Variants in GBE1 observed in about 807,000 individuals in gnomAD.
The protein encoded by GBE1 is 1,4-alpha-glucan branching enzyme 1.
In GBE1, 70 loss-of-function variants were observed where a neutral mutation model predicts 88.8. That is an observed-to-expected ratio of 0.79 (90% CI 0.65 to 0.96). GBE1 has a LOEUF of 0.96. Ranked by LOEUF, GBE1 falls within the 40% of genes least tolerant of loss-of-function variation. The pLI, the probability that GBE1 is intolerant of heterozygous loss-of-function variation, is 0.00. For synonymous variants in GBE1, 284 were observed against 300.1 expected, an observed-to-expected ratio of 0.95 and a Z score of 0.56; for missense variants, 872 against 871.0, an observed-to-expected ratio of 1.00 and a Z score of -0.01.
chr3:81,700,953 T>C (rs556554899), intron 2 of GBE1, among the ~76,000 whole-genome samples: 2 of 152,186 alleles, frequency 1.3e-5, no homozygotes, highest in African/African-American at 2.4e-5. Context: ...TATTGACATA[T>C]GTAGTTTACT....
chr3:81,562,661 C>T (rs937966117), intron 12 of GBE1, among the ~76,000 whole-genome samples: 1 of 151,972 alleles, frequency 6.6e-6, no homozygotes, highest in Non-Finnish European at 1.5e-5. Context: ...GCCATTTTTA[C>T]AGTAGTAGGG....
At chr3:81,582,917 C>T (rs1018283639) in intron 10 of GBE1, among the ~76,000 whole-genome samples, 6 of 151,688 alleles carry the variant, frequency 4.0e-5, no homozygotes, top group Non-Finnish European at 8.8e-5. Flanking sequence ...CTGTGAAAAG[C>T]CAATGTGAAG....
At chr3:81,499,353 A>C in intron 14 of GBE1, 126 bp from the exon 15 acceptor site, 1 of 694,548 alleles carries the variant, frequency 1.4e-6, no homozygotes, top group Non-Finnish European at 2.7e-6. Context: ...CTAAGAACTC[A>C]TTTCTTCTTT....
rs116331761 is a variant in GBE1, at chr3:81,669,893, T to C, written c.429+945A>G. ...CATACACTTATAATTTCATTATTTA[T>C]AAAATATTTTTAACAACCTACAAAA... On this transcript the variant is annotated intron_variant, in intron 3 of 15. Coordinates refer to ENST00000429644, the MANE Select transcript of GBE1 (RefSeq NM_000158.4). Among the ~76,000 whole-genome samples, 1,235 of 152,248 alleles carry C rather than the reference T, an allele frequency of 8.1e-3. 13 individuals carry two copies. The highest frequency in any genetic ancestry group is 0.028 in the African/African-American group (1,180 of 41,546).
intron 7 of GBE1, among the ~76,000 whole-genome samples, chr3:81,626,922 A>G (rs570510405): frequency 6.6e-6 from 1 of 152,306 alleles, no homozygotes; most frequent in Non-Finnish European, 1.5e-5. Context: ...GGGGTTTTCC[A>G]AGTGCATTTG....
intron 2 of GBE1, among the ~76,000 whole-genome samples, chr3:81,702,409 T>C (rs1459695513): frequency 6.6e-6 from 1 of 152,014 alleles, no homozygotes; most frequent in Non-Finnish European, 1.5e-5. Flanking sequence ...TTTGAGATCC[T>C]ATAACTTTGG....
chr3:81,514,437 A>G (rs1342996039), intron 14 of GBE1, among the ~76,000 whole-genome samples: 4 of 151,692 alleles, frequency 2.6e-5, no homozygotes, highest in Non-Finnish European at 4.4e-5. Flanking sequence ...TACAAAAAAT[A>G]ACCATAATTA....
chr3:81,559,174 G>T (rs1343750177), intron 12 of GBE1, among the ~76,000 whole-genome samples: 2 of 152,008 alleles, frequency 1.3e-5, no homozygotes, highest in African/African-American at 4.8e-5. Flanking sequence ...TGGGGACAAA[G>T]TCTTTGTTTT....
At chr3:81,709,649 TTTC>T (rs1367117211) in intron 1 of GBE1, among the ~76,000 whole-genome samples, 1 of 152,168 alleles carries the variant, frequency 6.6e-6, no homozygotes, top group African/African-American at 2.4e-5. Context: ...TTTTAGGAAG[TTTC>T]TTAAAGTATT....
chr3:81,502,361 A>G (rs1272846437), intron 14 of GBE1, among the ~76,000 whole-genome samples: 1 of 152,216 alleles, frequency 6.6e-6, no homozygotes, highest in African/African-American at 2.4e-5. Context: ...AGCTTATGAA[A>G]GCCATAGAGA....
chr3:81,603,872 G>A (rs1284254184), intron 7 of GBE1, among the ~76,000 whole-genome samples: 2 of 152,114 alleles, frequency 1.3e-5, no homozygotes, highest in South Asian at 2.1e-4. Context: ...TAATTTGAAT[G>A]ATTTTACTAT....
At chr3:81,616,439 T>C (rs1704249686) in intron 7 of GBE1, among the ~76,000 whole-genome samples, 1 of 152,144 alleles carries the variant, frequency 6.6e-6, no homozygotes, top group African/African-American at 2.4e-5. Context: ...AGCTCTCGTA[T>C]CATTTGTTGA....
chr3:81,646,443 G>C lies in GBE1; in HGVS notation c.731C>G (p.Ala244Gly). Residue 244 changes from alanine to glycine, a missense_variant, in exon 6 of 16, where the codon GCT becomes GGT. Ala to Gly is a moderately conservative substitution (Grantham distance 60). Transcript: ENST00000429644. ...CIQLMAIMEH[A>G]YYASFGYQIT... ...TTGGTAACCAAAGCTGGCATAGTAA[G>C]CATGCTCCATGATTGCCATCAACTG... is the stretch of plus-strand genomic sequence containing the variant. 1 of 1,605,568 alleles carries C rather than the reference G, an allele frequency of 6.2e-7. No individual in the cohort carries two copies. The highest frequency in any genetic ancestry group is 8.5e-7 in the Non-Finnish European group (1 of 1,176,098).
chr3:81,561,186 T>A (rs1307578878), intron 12 of GBE1, among the ~76,000 whole-genome samples: 3 of 152,030 alleles, frequency 2.0e-5, no homozygotes, highest in African/African-American at 7.2e-5. Context: ...CTATACTACC[T>A]TATGTTTTTA....
At chr3:81,693,052 C>T (rs867385630) in intron 2 of GBE1, among the ~76,000 whole-genome samples, 8 of 152,230 alleles carry the variant, frequency 5.3e-5, no homozygotes, top group African/African-American at 1.9e-4. Flanking sequence ...ACTTTAGTCT[C>T]CTTTCTGCCT....
intron 1 of GBE1, among the ~76,000 whole-genome samples, chr3:81,750,646 T>C (rs1382262389): frequency 0.019 from 760 of 39,562 alleles, 55 homozygotes; most frequent in East Asian, 0.051. Context: ...TATATATATG[T>C]ATATATATAT....
intron 2 of GBE1, among the ~76,000 whole-genome samples, chr3:81,678,515 T>A (rs146153858): frequency 6.6e-6 from 1 of 152,330 alleles, no homozygotes; most frequent in African/African-American, 2.4e-5. Context: ...TAAATGGATA[T>A]ACCTCATTGC....
At position 81,641,597 on chromosome 3, in the gene GBE1, T is replaced by A. The variant is rs140246309; in HGVS notation, c.992+1184A>T. 4.6e-3 allele frequency among the ~76,000 whole-genome samples: 693 copies of A among 152,112 alleles called. 5 individuals are homozygous for A. The highest frequency in any genetic ancestry group is 0.014 in the African/African-American group (584 of 41,526). On this transcript the variant is annotated intron_variant, in intron 7 of 15. Coordinates refer to ENST00000429644, the MANE Select transcript of GBE1 (RefSeq NM_000158.4). ...AATGATTAATCAGTTTGTACCAGAG[T>A]GAGTCTAGGCCAGGAACCCAGCTAC...
At chr3:81,579,891 T>C (rs1703698125) in intron 11 of GBE1, among the ~76,000 whole-genome samples, 1 of 152,158 alleles carries the variant, frequency 6.6e-6, no homozygotes, top group Admixed American at 6.6e-5. Flanking sequence ...GCTACTCAAA[T>C]GCATCATTTT....
Sources: allele counts gnomAD v4.1 joint callset (sites outside exome capture counted in the v4.1 genomes callset), GRCh38; gene constraint gnomAD v4.1.1; transcripts MANE v1.5; gene names NCBI Gene and HGNC (gene_info 2026-07-23, HGNC 2026-07-21).